JMJD1C: variants seen among roughly 807,000 people sequenced by gnomAD.
JMJD1C encodes jumonji domain containing 1C, also known as jumonji domain-containing protein 1C.
JMJD1C carries 31 observed loss-of-function variants against 245.3 expected under a neutral mutation model. The ratio of observed to expected loss-of-function variants is 0.13; its 90% CI spans 0.09 to 0.17. The LOEUF is 0.17. Among genes scored for constraint, JMJD1C ranks in the 10% least tolerant of loss-of-function variants. The pLI is 1.00. For missense variants in JMJD1C, 2,691 were observed against 3,000.2 expected, an observed-to-expected ratio of 0.90 and a Z score of 2.41; for synonymous variants, 1,057 against 1,017.4, an observed-to-expected ratio of 1.04 and a Z score of -0.74.
At chr10:63,378,780 T>C (rs1481425219) in intron 2 of JMJD1C, among the ~76,000 whole-genome samples, 2 of 152,188 alleles carry the variant, frequency 1.3e-5, no homozygotes, top group Non-Finnish European at 2.9e-5. Flanking sequence ...TTAAGGTCTA[T>C]AAAATTAAAA....
chr10:63,262,168 CA>C (rs1854852809), intron 3 of JMJD1C, among the ~76,000 whole-genome samples: 1 of 152,180 alleles, frequency 6.6e-6, no homozygotes, highest in Non-Finnish European at 1.5e-5. Context: ...GCACTATTTA[CA>C]AAATTTATGC....
intron 1 of JMJD1C, among the ~76,000 whole-genome samples, chr10:63,507,263 T>G (rs949981361): frequency 3.0e-4 from 46 of 152,304 alleles, no homozygotes; most frequent in African/African-American, 1.1e-3. Flanking sequence ...TTCAATTCAT[T>G]TGGGAAAATA....
chr10:63,189,798 A>G (rs949170338), intron 17 of JMJD1C, among the ~76,000 whole-genome samples: 9 of 151,568 alleles, frequency 5.9e-5, no homozygotes, highest in Non-Finnish European at 7.4e-5. Context: ...CTGGTTTCAA[A>G]CTCCTGGGCT....
chr10:63,379,139 A>G (rs2134489987), intron 2 of JMJD1C, among the ~76,000 whole-genome samples: 1 of 152,216 alleles, frequency 6.6e-6, no homozygotes, highest in South Asian at 2.1e-4. Flanking sequence ...AGGATTAACT[A>G]AAATAGAAAA....
intron 2 of JMJD1C, among the ~76,000 whole-genome samples, chr10:63,310,412 A>C (rs1260188587): frequency 6.6e-6 from 1 of 152,204 alleles, no homozygotes. Context: ...ACATTGTTCT[A>C]TTGGTGCAAG....
chr10:63,199,747 GT>G (rs1286912247), intron 11 of JMJD1C, among the ~76,000 whole-genome samples: 2 of 152,064 alleles, frequency 1.3e-5, no homozygotes, highest in African/African-American at 4.8e-5. Flanking sequence ...AGAGAACCTG[GT>G]TCATTCTTAT....
chr10:63,268,684 G>GT lies in JMJD1C; in HGVS notation c.334-3921dup, dbSNP rs1380460004. The GT allele has an allele frequency of 3.4e-5, 33 of 981,272 alleles. No homozygotes were observed. In the South Asian group the frequency reaches 1.3e-3, roughly 38 times the overall value. 60.8% of individuals were successfully genotyped at this position (981,272 alleles called of 1,614,324 possible). On this transcript the variant is annotated intron_variant, in intron 2 of 25. Coordinates refer to ENST00000399262, the MANE Select transcript of JMJD1C (RefSeq NM_032776.3). ...GTACTTTGTTCTTGAGAATTTTAAA[G>GT]TATCTTTAAATCTCAGAAATCCACA...
At chr10:63,249,732 C>T (rs1315724661) in intron 3 of JMJD1C, among the ~76,000 whole-genome samples, 2 of 151,938 alleles carry the variant, frequency 1.3e-5, no homozygotes, top group Admixed American at 6.6e-5. Flanking sequence ...TGGTGGCGTG[C>T]GCCTGTAGTC....
At chr10:63,176,235 T>C in intron 24 of JMJD1C, 62 bp downstream of exon 24, 1 of 1,299,126 alleles carries the variant, frequency 7.7e-7, no homozygotes, top group Non-Finnish European at 1.0e-6. Flanking sequence ...AAGAGCAATT[T>C]TTTTTTCAAA....
intron 1 of JMJD1C, among the ~76,000 whole-genome samples, chr10:63,504,828 C>A (rs1186117965): frequency 2.0e-5 from 3 of 152,066 alleles, no homozygotes; most frequent in Non-Finnish European, 1.5e-5. Flanking sequence ...CCACCCCAGG[C>A]AACAAAACAA....
intron 22 of JMJD1C, among the ~76,000 whole-genome samples, chr10:63,178,241 A>C (rs986039970): frequency 1.3e-5 from 2 of 152,212 alleles, no homozygotes; most frequent in African/African-American, 4.8e-5. Context: ...GTCCCTGGCC[A>C]GATCAGTACT....
intron 1 of JMJD1C, among the ~76,000 whole-genome samples, chr10:63,420,039 G>A (rs998854816): frequency 6.6e-6 from 1 of 151,762 alleles, no homozygotes; most frequent in Non-Finnish European, 1.5e-5. Flanking sequence ...AAGAGGCTGA[G>A]GCAGGAGAAT....
chr10:63,396,484 A>C (rs138606665), intron 1 of JMJD1C, among the ~76,000 whole-genome samples: 313 of 152,326 alleles, frequency 2.1e-3, no homozygotes, highest in South Asian at 4.3e-3. Flanking sequence ...GTGAGAAAGC[A>C]GCTATAGAAA....
intron 1 of JMJD1C, chr10:63,465,232 C>A (rs1953126309): frequency 4.9e-6 from 2 of 408,260 alleles, no homozygotes; most frequent in South Asian, 6.6e-5. Context: ...GAGCCGCGGT[C>A]GACCCCTCCG....
In JMJD1C at chr10:63,225,985, A is replaced by ACC. The variant is rs67708339; in HGVS notation, c.448-6004_448-6003dup. 4.8e-4 allele frequency among the ~76,000 whole-genome samples: 64 copies of ACC among 132,190 alleles called. 1 individual carries two copies. Among genetic ancestry groups the ACC allele is most frequent in the African/African-American group, 1.6e-3 (57 of 35,924 alleles). The allele number at this position is 132,190 out of a possible 152,430, so 86.7% of individuals were successfully genotyped here. On this transcript the variant is annotated intron_variant, in intron 3 of 25. Coordinates refer to ENST00000399262, the MANE Select transcript of JMJD1C (RefSeq NM_032776.3). The stretch of plus-strand genomic sequence containing the variant: ...TCCAGGGCTCAGGTTCTTCTCCCCC[A>ACC]CCCCCCCCTTCCCTCCACATACACT...
intron 2 of JMJD1C, among the ~76,000 whole-genome samples, chr10:63,324,039 CTTTTT>C (rs71463513): frequency 7.3e-6 from 1 of 136,134 alleles, no homozygotes; most frequent in Non-Finnish European, 1.6e-5. Flanking sequence ...CTTCGTCTGC[CTTTTT>C]TTTTTTTTTT....
chr10:63,474,108 A>G (rs1223755462), intron 1 of JMJD1C, among the ~76,000 whole-genome samples: 1 of 109,672 alleles, frequency 9.1e-6, no homozygotes, highest in Non-Finnish European at 2.1e-5. Context: ...TAATAATAAT[A>G]AATAAATAAA....
intron 2 of JMJD1C, among the ~76,000 whole-genome samples, chr10:63,304,855 C>G (rs1937788164): frequency 6.6e-6 from 1 of 152,184 alleles, no homozygotes; most frequent in South Asian, 2.1e-4. Flanking sequence ...ACTAGGAGGC[C>G]AGGCACAGGG....
intron 2 of JMJD1C, among the ~76,000 whole-genome samples, chr10:63,337,789 T>C (rs1444723522): frequency 6.6e-6 from 1 of 152,130 alleles, no homozygotes; most frequent in Non-Finnish European, 1.5e-5. Flanking sequence ...CATGCTCTCA[T>C]GCCCTTTTCT....
Sources: gnomAD v4.1 joint callset for allele counts (sites outside exome capture counted in the v4.1 genomes callset) on GRCh38, gnomAD v4.1.1 for gene constraint, MANE v1.5 for transcripts, NCBI Gene and HGNC (gene_info 2026-07-23, HGNC 2026-07-21) for gene names.